Variants in PCDHA5 observed in about 807,000 individuals in gnomAD.
PCDHA5 encodes the protein protocadherin alpha 5.
A neutral mutation model predicts 61.6 loss-of-function variants in PCDHA5; 43 were observed. The observed-to-expected ratio is 0.70, with a 90% CI of 0.55 to 0.90. PCDHA5 has a LOEUF of 0.90. PCDHA5 is among the 40% of genes least tolerant of loss of function. The probability of loss-of-function intolerance (pLI) is 0.00; values close to 1 mark genes in which losing one functional copy is unlikely to be tolerated. For missense variants in PCDHA5, 1,298 were observed against 1,222.7 expected (o/e 1.06, Z -0.92); for synonymous variants, 627 against 543.9 (o/e 1.15, Z -2.13).
At chr5:140,882,565 C>T (rs782122682) in intron 1 of PCDHA5, 5 of 1,614,118 alleles carry the variant, frequency 3.1e-6, no homozygotes, top group Non-Finnish European at 4.2e-6. Context: ...GTGGGCGGAG[C>T]GCGGAGTGCA....
chr5:140,855,744 T>C, intron 1 of PCDHA5: 1 of 316,692 alleles, frequency 3.2e-6, no homozygotes, highest in Non-Finnish European at 5.8e-6. Context: ...AGACGTAATG[T>C]GAGGCTTTGA....
rs1333608076 is a variant in PCDHA5, at chr5:140,848,470, A to C, written c.2352+24343A>C. Reference sequence around the variant, plus strand: ...TTCTAATTTGGAGGCAATTTTCACTAATTAGAAGAAGACTGAGTATTTGAA... The same window carrying C: ...TTCTAATTTGGAGGCAATTTTCACTCATTAGAAGAAGACTGAGTATTTGAA... On this transcript the variant is annotated intron_variant, in intron 1 of 3. Coordinates refer to ENST00000529859, the MANE Select transcript of PCDHA5 (RefSeq NM_018908.3). 3 of 1,552,738 alleles carry C rather than the reference A, an allele frequency of 1.9e-6. No individual in the cohort carries two copies. In the East Asian group the frequency reaches 6.7e-5, roughly 35 times the overall value.
chr5:140,832,274 T>C (rs1771890474), intron 1 of PCDHA5, among the ~76,000 whole-genome samples: 1 of 152,194 alleles, frequency 6.6e-6, no homozygotes, highest in Admixed American at 6.5e-5. Flanking sequence ...TAGACTACAT[T>C]AAGCATGAAT....
At chr5:140,863,351 C>T in intron 1 of PCDHA5, 1 of 1,288,680 alleles carries the variant, frequency 7.8e-7, no homozygotes, top group Non-Finnish European at 1.1e-6. Context: ...CTGTACACGA[C>T]GCTGCGGTGC....
intron 1 of PCDHA5, chr5:140,869,386 C>T: frequency 6.2e-7 from 1 of 1,614,176 alleles, no homozygotes; most frequent in Non-Finnish European, 8.5e-7. Context: ...CCGCGAGGAG[C>T]TGTGCGGGCA....
At chr5:140,928,585 G>A (rs1554206029) in intron 1 of PCDHA5, 1 of 1,614,194 alleles carries the variant, frequency 6.2e-7, no homozygotes, top group Admixed American at 1.7e-5. Context: ...AAATGGTTCT[G>A]TCCCAGTGGA....
chr5:140,927,409 A>G lies in PCDHA5; in HGVS notation c.2353-51540A>G. The G allele has an allele frequency of 4.3e-6, 7 of 1,614,120 alleles. No individual in the cohort carries two copies. Among genetic ancestry groups the G allele is most frequent in the Non-Finnish European group, 5.9e-6 (7 of 1,179,964 alleles). On this transcript the variant is annotated intron_variant, in intron 1 of 3. Coordinates refer to ENST00000529859, the MANE Select transcript of PCDHA5 (RefSeq NM_018908.3). ...CCCCAGTCAGCACTTTCGCCTGGAC[A>G]TGGGATCGCGGGTTGACGGCAGCGA...
intron 1 of PCDHA5, among the ~76,000 whole-genome samples, chr5:140,960,552 A>T (rs1269039449): frequency 6.6e-6 from 1 of 152,162 alleles, no homozygotes; most frequent in Non-Finnish European, 1.5e-5. Flanking sequence ...CTTCATATAG[A>T]CTGAGCTTAG....
chr5:140,950,237 A>C (rs1192417956), intron 1 of PCDHA5, among the ~76,000 whole-genome samples: 1 of 151,954 alleles, frequency 6.6e-6, no homozygotes, highest in African/African-American at 2.4e-5. Context: ...AGTGCCATTA[A>C]TTTGTTCCTA....
At chr5:141,001,971 G>C (rs1240624295) in intron 3 of PCDHA5, among the ~76,000 whole-genome samples, 2 of 152,186 alleles carry the variant, frequency 1.3e-5, no homozygotes, top group Admixed American at 1.3e-4. Flanking sequence ...GGGTGTCTCT[G>C]CGCGGAAAGC....
chr5:140,966,109 C>G (rs373588380), intron 1 of PCDHA5: 47 of 156,394 alleles, frequency 3.0e-4, no homozygotes, highest in African/African-American at 1.1e-3. Context: ...GCCTGGGTGC[C>G]CATACTTAGC....
chr5:140,972,295 G>A (rs551210883), intron 1 of PCDHA5, among the ~76,000 whole-genome samples: 2 of 151,388 alleles, frequency 1.3e-5, no homozygotes, highest in South Asian at 2.1e-4. Context: ...GTGCGCCACC[G>A]TGTCTGACTA....
At chr5:141,007,448 G>A (rs555583994) in intron 3 of PCDHA5, among the ~76,000 whole-genome samples, 2 of 150,352 alleles carry the variant, frequency 1.3e-5, no homozygotes, top group African/African-American at 4.9e-5. Context: ...TGTGCCTGTA[G>A]TCCCAGCTAC....
chr5:140,842,888 C>G, intron 1 of PCDHA5: 1 of 1,593,820 alleles, frequency 6.3e-7, no homozygotes, highest in South Asian at 1.1e-5. Flanking sequence ...GCTGCAGCCG[C>G]TGGACCACGA....
intron 1 of PCDHA5, among the ~76,000 whole-genome samples, chr5:140,938,740 A>T (rs1308554709): frequency 1.3e-5 from 2 of 152,150 alleles, no homozygotes; most frequent in East Asian, 3.8e-4. Flanking sequence ...AAAAATAATT[A>T]TTTTTAAAGG....
rs1414020840 is a variant in PCDHA5, at chr5:140,920,855, AAAAC to A, written c.2353-58085_2353-58082del. On this transcript the variant is annotated intron_variant, in intron 1 of 3. Transcript: ENST00000529859. ...AAGACCAAATCTAAAAAAAAAAAAA[AAAAC>A]AAACAAACTGTGGCCCTTAGAACTT... Among the ~76,000 whole-genome samples the A allele has an allele frequency of 3.9e-5, 6 of 152,094 alleles. No homozygotes were observed. The East Asian group carries it at 5.8e-4, about 15-fold the overall frequency.
At chr5:140,858,742 T>A in intron 1 of PCDHA5, 1 of 467,252 alleles carries the variant, frequency 2.1e-6, no homozygotes, top group African/African-American at 2.0e-5. Flanking sequence ...ACTTTCATAA[T>A]CACTTTTCGT....
At position 140,857,907 on chromosome 5, in the gene PCDHA5, C is replaced by T. The variant is rs1250345336; in HGVS notation, c.2352+33780C>T. 3.1e-6 allele frequency: 5 copies of T among 1,597,680 alleles called. No homozygotes were observed. Among genetic ancestry groups the T allele is most frequent in the Admixed American group, 1.7e-5 (1 of 59,240 alleles). Reference sequence around the variant, plus strand: ...TCGGCGGCGGTTGGTGCACGCATCCCGTTTCGCGTGGGGCTGTACACGGGC... The same window carrying T: ...TCGGCGGCGGTTGGTGCACGCATCCTGTTTCGCGTGGGGCTGTACACGGGC... On this transcript the variant is annotated intron_variant, in intron 1 of 3. Transcript: ENST00000529859.
chr5:140,821,833 C>T lies in PCDHA5; in HGVS notation c.58C>T (p.Leu20Phe), dbSNP rs2150110979. The change falls in exon 1 of 4, where the codon CTT becomes TTT. Residue 20 changes from leucine to phenylalanine, a missense_variant. Coordinates refer to ENST00000529859, the MANE Select transcript of PCDHA5 (RefSeq NM_018908.3). ...CCGGCTCCTGCTGCTCTGGCTTCTC[C>T]TTGCCTACTGGAAGGCAGGGAGCGG... ...GSRLLLLWLL[L>F]AYWKAGSGQL... is the part of the protein sequence containing the mutation. 13,895 of 1,614,122 alleles carry T rather than the reference C, an allele frequency of 8.6e-3. 1,022 individuals are homozygous for T. In the African/African-American group the frequency reaches 0.16, roughly 19 times the overall value.
Sources: gnomAD v4.1 joint callset for allele counts (sites outside exome capture counted in the v4.1 genomes callset) on GRCh38, gnomAD v4.1.1 for gene constraint, MANE v1.5 for transcripts, NCBI Gene and HGNC (gene_info 2026-07-23, HGNC 2026-07-21) for gene names.